Variants in PTH2R observed in about 807,000 individuals in gnomAD.
PTH2R encodes the protein parathyroid hormone 2 receptor.
PTH2R carries 59 observed loss-of-function variants against 60.3 expected under a neutral mutation model. The ratio of observed to expected loss-of-function variants is 0.98; its 90% CI spans 0.79 to 1.22. The LOEUF (loss-of-function observed/expected upper bound fraction) is 1.22, where lower values mean the gene tolerates loss of function less well. PTH2R is among the 50% of genes most tolerant of loss of function. The probability of loss-of-function intolerance (pLI) is 0.00; values close to 1 mark genes in which losing one functional copy is unlikely to be tolerated. For missense variants in PTH2R, 749 were observed against 682.6 expected, an observed-to-expected ratio of 1.10 and a Z score of -1.08; for synonymous variants, 256 against 243.8, an observed-to-expected ratio of 1.05 and a Z score of -0.47.
chr2:208,440,929 A>G (rs910231719), intron 4 of PTH2R, among the ~76,000 whole-genome samples: 1 of 152,192 alleles, frequency 6.6e-6, no homozygotes, highest in East Asian at 1.9e-4. Context: ...GGCTGAAGGC[A>G]TGGATCAGGA....
At chr2:208,492,526 G>T (rs973783571) in intron 12 of PTH2R, among the ~76,000 whole-genome samples, 3 of 152,122 alleles carry the variant, frequency 2.0e-5, no homozygotes, top group Admixed American at 2.0e-4. Context: ...TAGCAATCAG[G>T]CAGTTATTTA....
chr2:208,492,208 C>T (rs972174746), intron 12 of PTH2R, among the ~76,000 whole-genome samples: 2 of 152,220 alleles, frequency 1.3e-5, no homozygotes, highest in Non-Finnish European at 2.9e-5. Context: ...GCCTTCTTTT[C>T]TCACTCTGAC....
intron 1 of PTH2R, among the ~76,000 whole-genome samples, chr2:208,395,310 G>C (rs1701187976): frequency 6.6e-6 from 1 of 152,080 alleles, no homozygotes; most frequent in South Asian, 2.1e-4. Context: ...GCCTCCCAAA[G>C]TGCTGGATTA....
intron 1 of PTH2R, among the ~76,000 whole-genome samples, chr2:208,395,242 T>C (rs888969756): frequency 6.6e-6 from 1 of 151,712 alleles, no homozygotes; most frequent in Non-Finnish European, 1.5e-5. Context: ...AGAGACGGGG[T>C]TTCACCATGT....
intron 8 of PTH2R, among the ~76,000 whole-genome samples, chr2:208,454,264 C>T (rs1425553909): frequency 6.6e-6 from 1 of 152,046 alleles, no homozygotes; most frequent in Non-Finnish European, 1.5e-5. Flanking sequence ...CATGGTCAAG[C>T]TTATTGCTAT....
At position 208,383,978 on chromosome 2, in the gene PTH2R, T is replaced by C. The variant is rs570656883; in HGVS notation, c.-259+23741T>C. ...TGGAGGATGGGGGCATGAGGAAAGA[T>C]GAGGCTTTCTCTAGTTATGACCCTT... On this transcript the variant is annotated intron_variant, in intron 1 of 12. Coordinates refer to the PTH2R transcript ENST00000617735. 2.6e-5 allele frequency among the ~76,000 whole-genome samples: 4 copies of C among 152,326 alleles called. No homozygotes were observed. In the South Asian group the frequency reaches 8.3e-4, roughly 32 times the overall value.
At chr2:208,463,569 T>C (rs1358469759) in intron 9 of PTH2R, among the ~76,000 whole-genome samples, 1 of 148,972 alleles carries the variant, frequency 6.7e-6, no homozygotes, top group Non-Finnish European at 1.5e-5. Context: ...TAGTGTAGAT[T>C]ACGAGAGTTA....
chr2:208,461,107 A>G (rs1702625084), intron 9 of PTH2R, among the ~76,000 whole-genome samples: 1 of 152,190 alleles, frequency 6.6e-6, no homozygotes, highest in Non-Finnish European at 1.5e-5. Context: ...AATAAAATAC[A>G]GAACACGTTT....
At chr2:208,464,161 T>G (rs1443538915) in intron 9 of PTH2R, among the ~76,000 whole-genome samples, 1 of 152,232 alleles carries the variant, frequency 6.6e-6, no homozygotes, top group Non-Finnish European at 1.5e-5. Flanking sequence ...AGCTCTCACT[T>G]TTGTAATTTT....
At chr2:208,367,883 C>G (rs1574809793) in intron 1 of PTH2R, among the ~76,000 whole-genome samples, 1 of 152,184 alleles carries the variant, frequency 6.6e-6, no homozygotes, top group Non-Finnish European at 1.5e-5. Flanking sequence ...AAGGCACTGA[C>G]TGACTAAGGT....
At chr2:208,419,811 T>C (rs1470771171) in intron 1 of PTH2R, among the ~76,000 whole-genome samples, 1 of 152,250 alleles carries the variant, frequency 6.6e-6, no homozygotes, top group Non-Finnish European at 1.5e-5. Context: ...TTTTAAATCA[T>C]GCTGCTATAA....
intron 9 of PTH2R, among the ~76,000 whole-genome samples, chr2:208,468,909 G>GA (rs1347078701): frequency 6.6e-6 from 1 of 152,078 alleles, no homozygotes; most frequent in Non-Finnish European, 1.5e-5. Context: ...ATACTTGTTG[G>GA]AAAAACAAAA....
chr2:208,444,985 A>T (rs1702262056), intron 7 of PTH2R, 98 bp downstream of exon 7: 1 of 1,247,658 alleles, frequency 8.0e-7, no homozygotes. Context: ...ATTTTCCTGA[A>T]ACAATCCCTC....
chr2:208,430,295 C>T (rs961831547), intron 2 of PTH2R, among the ~76,000 whole-genome samples: 6 of 151,776 alleles, frequency 4.0e-5, no homozygotes, highest in African/African-American at 1.5e-4. Flanking sequence ...AATAAAATGT[C>T]CTTTATTTAT....
chr2:208,418,821 T>C (rs965762365), intron 1 of PTH2R, among the ~76,000 whole-genome samples: 5 of 152,342 alleles, frequency 3.3e-5, no homozygotes, highest in East Asian at 3.9e-4. Flanking sequence ...CTGGAAATCA[T>C]GTTAGGTCAT....
intron 1 of PTH2R, among the ~76,000 whole-genome samples, chr2:208,408,955 T>G (rs947651371): frequency 6.6e-6 from 1 of 152,128 alleles, no homozygotes; most frequent in East Asian, 1.9e-4. Context: ...TCCTGTATAT[T>G]GCAGAGTATT....
chr2:208,412,769 A>C, intron 1 of PTH2R, among the ~76,000 whole-genome samples: 1 of 152,244 alleles, frequency 6.6e-6, no homozygotes, highest in East Asian at 1.9e-4. Context: ...TTTTCAGGTT[A>C]TCAACAGAGC....
chr2:208,386,686 C>T (rs1168590404), intron 1 of PTH2R, among the ~76,000 whole-genome samples: 1 of 152,184 alleles, frequency 6.6e-6, no homozygotes, highest in Non-Finnish European at 1.5e-5. Flanking sequence ...AGCAGTCTTC[C>T]TCTTTTGCAG....
rs1702599322 is a variant in PTH2R, at chr2:208,459,937, A to G, written c.957A>G (p.Gln319=). ...CTGGAGACATCAAGTGGATTTATCA[A>G]GCACCGATCTTAGCAGCTATTGGGG... ...LSAGDIKWIY[Q]APILAAIGLN... The change falls in exon 9 of 13, where the codon CAA becomes CAG. Residue 319 remains glutamine, a synonymous_variant. Transcript: ENST00000272847. 1 of 1,613,294 alleles carries G rather than the reference A, an allele frequency of 6.2e-7. No individual in the cohort carries two copies. Among genetic ancestry groups the G allele is most frequent in the Non-Finnish European group, 8.5e-7 (1 of 1,179,470 alleles).
Sources: allele counts gnomAD v4.1 joint callset (sites outside exome capture counted in the v4.1 genomes callset), GRCh38; gene constraint gnomAD v4.1.1; transcripts MANE v1.5; gene names NCBI Gene and HGNC (gene_info 2026-07-23, HGNC 2026-07-21).